SLC8A1: variants seen among roughly 807,000 people sequenced by gnomAD.
SLC8A1 encodes solute carrier family 8 member A1.
Under a neutral mutation model 68.3 loss-of-function variants are expected in SLC8A1, and 18 were observed. The ratio of observed to expected loss-of-function variants is 0.26; its 90% CI spans 0.18 to 0.39. The LOEUF (loss-of-function observed/expected upper bound fraction) is 0.39, where lower values mean the gene tolerates loss of function less well. Among genes scored for constraint, SLC8A1 ranks in the 10% least tolerant of loss-of-function variants. The pLI, the probability that SLC8A1 is intolerant of heterozygous loss-of-function variation, is 1.00. For synonymous variants in SLC8A1, 475 were observed against 415.5 expected (o/e 1.14, Z -1.74); for missense variants, 985 against 1,156.7 (o/e 0.85, Z 2.15).
At chr2:40,255,060 A>AATGACAGACCTTTTCTT (rs2063672465) in intron 2 of SLC8A1, 1 of 151,716 alleles carries the variant, frequency 6.6e-6, no homozygotes, top group Non-Finnish European at 1.5e-5. Context: ...TTTCTCCTTA[A>AATGACAGACCTTTTCTT]ATGACAGACC....
chr2:40,345,265 T>A (rs945578620), intron 2 of SLC8A1, among the ~76,000 whole-genome samples: 1 of 152,116 alleles, frequency 6.6e-6, no homozygotes, highest in African/African-American at 2.4e-5. Flanking sequence ...CTCACTACAC[T>A]CCTACCTCAT....
intron 1 of SLC8A1, among the ~76,000 whole-genome samples, chr2:40,473,740 G>T (rs574686688): frequency 2.0e-5 from 3 of 152,222 alleles, no homozygotes; most frequent in African/African-American, 7.2e-5. Flanking sequence ...GAATTAAATG[G>T]ACTTATATTT....
intron 2 of SLC8A1, among the ~76,000 whole-genome samples, chr2:40,280,725 A>G (rs1236755455): frequency 1.3e-5 from 2 of 152,224 alleles, no homozygotes; most frequent in Non-Finnish European, 2.9e-5. Context: ...AAGTAAAAAG[A>G]GACAATGAAT....
chr2:40,450,204 C>T (rs1207067190), intron 1 of SLC8A1, among the ~76,000 whole-genome samples: 1 of 152,172 alleles, frequency 6.6e-6, no homozygotes, highest in Non-Finnish European at 1.5e-5. Flanking sequence ...CCAAGTAACA[C>T]AGGATTTGAA....
At position 40,122,206 on chromosome 2, in the gene SLC8A1, GCACACACACACACACACA is replaced by G. The variant is rs1236450975; in HGVS notation, c.2438-6595_2438-6578del. Among the ~76,000 whole-genome samples, 14 of 124,562 alleles carry G rather than the reference GCACACACACACACACACA, an allele frequency of 1.1e-4. No individual in the cohort carries two copies. In the South Asian group the frequency reaches 1.3e-3, roughly 11 times the overall value. The allele number at this position is 124,562 out of a possible 152,430, so 81.7% of individuals were successfully genotyped here. On this transcript the variant is annotated intron_variant, in intron 7 of 7. Transcript: ENST00000406785. ...CTCTCTCACAAGTGCATGCGCGCGC[GCACACACACACACACACA>G]CGTGTGCGCGCGCACACACACACAC...
At chr2:40,423,000 C>T (rs1483201592) in intron 2 of SLC8A1, among the ~76,000 whole-genome samples, 3 of 152,162 alleles carry the variant, frequency 2.0e-5, no homozygotes, top group Admixed American at 6.5e-5. Flanking sequence ...GAAAACAATA[C>T]GATAATACCA....
Position 40,385,601 on chromosome 2 carries a change from A to G in SLC8A1, c.1808+42872T>C, listed in dbSNP as rs563227273. Among the ~76,000 whole-genome samples the G allele has an allele frequency of 2.6e-5, 4 of 151,442 alleles. No individual in the cohort carries two copies. The South Asian group carries it at 8.3e-4, about 31-fold the overall frequency. On this transcript the variant is annotated intron_variant, in intron 2 of 7. Transcript: ENST00000406785. ...AAAAATGTACCATGAGGAGCAACAT[A>G]AAACAAAGTTTAAACTTTGGCAGGC...
intron 7 of SLC8A1, among the ~76,000 whole-genome samples, chr2:40,121,389 G>A (rs1022179915): frequency 3.9e-5 from 6 of 152,186 alleles, no homozygotes; most frequent in Non-Finnish European, 8.8e-5. Flanking sequence ...TCGGAAAGAA[G>A]TAAGAAGCTG....
chr2:40,295,654 G>C (rs983325457), intron 2 of SLC8A1, among the ~76,000 whole-genome samples: 4 of 152,112 alleles, frequency 2.6e-5, no homozygotes, highest in Non-Finnish European at 5.9e-5. Context: ...ATGAAATGAG[G>C]CACAAGAAAC....
In SLC8A1 at chr2:40,200,249, T is replaced by TAAATATATATATATAA. The variant is rs1461541616; in HGVS notation, c.1809-22395_1809-22394insTTATATATATATATTT. On this transcript the variant is annotated intron_variant, in intron 2 of 7. Transcript: ENST00000406785. Reference sequence around the variant, plus strand: ...TTATATATATATATAAATATATATATATATATATATATATATATAACCTCT... The same window carrying TAAATATATATATATAA: ...TTATATATATATATAAATATATATATAAATATATATATATAAATATATATATATATATATAACCTCT... Among the ~76,000 whole-genome samples the TAAATATATATATATAA allele has an allele frequency of 2.2e-4, 6 of 26,992 alleles. 2 individuals carry two copies. Among genetic ancestry groups the TAAATATATATATATAA allele is most frequent in the Non-Finnish European group, 6.2e-4 (6 of 9,652 alleles). 17.7% of individuals were successfully genotyped at this position (26,992 alleles called of 152,430 possible).
At chr2:40,164,767 G>T in intron 5 of SLC8A1, 87 bp downstream of exon 8, 1 of 1,522,094 alleles carries the variant, frequency 6.6e-7, no homozygotes, top group South Asian at 1.2e-5. Context: ...ACTCTTTCCA[G>T]GTGGATCTTA....
At chr2:40,235,513 G>A (rs1469309322) in intron 2 of SLC8A1, among the ~76,000 whole-genome samples, 1 of 151,990 alleles carries the variant, frequency 6.6e-6, no homozygotes, top group Non-Finnish European at 1.5e-5. Context: ...AGTCTTGCTA[G>A]TGGTCTATCA....
chr2:40,168,589 A>G (rs1573480904), intron 4 of SLC8A1, among the ~76,000 whole-genome samples: 1 of 152,300 alleles, frequency 6.6e-6, no homozygotes, highest in Middle Eastern at 3.4e-3. Context: ...TTTTAACAAA[A>G]CTGTTTTCTG....
chr2:40,463,351 C>T (rs1389674470), intron 1 of SLC8A1, among the ~76,000 whole-genome samples: 4 of 152,164 alleles, frequency 2.6e-5, no homozygotes, highest in Non-Finnish European at 5.9e-5. Flanking sequence ...TCAGCGGCGG[C>T]TGCAAGATAA....
upstream of SLC8A1, among the ~76,000 whole-genome samples, chr2:40,452,404 G>A (rs1037300234): frequency 1.3e-5 from 2 of 152,006 alleles, no homozygotes; most frequent in Non-Finnish European, 2.9e-5. Context: ...ATTTCCTGCC[G>A]GCTCTCGGCC....
chr2:40,495,341 G>A (rs752645207), intron 1 of SLC8A1, among the ~76,000 whole-genome samples: 3 of 152,018 alleles, frequency 2.0e-5, no homozygotes, highest in Non-Finnish European at 4.4e-5. Context: ...CTCTATGCCT[G>A]AAAGCAAAAG....
chr2:40,307,946 G>A (rs1300969742), intron 2 of SLC8A1, among the ~76,000 whole-genome samples: 1 of 152,054 alleles, frequency 6.6e-6, no homozygotes, highest in Non-Finnish European at 1.5e-5. Context: ...ATCATGAAGA[G>A]CAGGAGAAGA....
intron 7 of SLC8A1, among the ~76,000 whole-genome samples, chr2:40,128,645 A>G (rs1336490264): frequency 6.6e-6 from 1 of 152,196 alleles, no homozygotes; most frequent in East Asian, 1.9e-4. Flanking sequence ...TCTAAGCGCC[A>G]TTGTGTGATC....
intron 1 of SLC8A1, among the ~76,000 whole-genome samples, chr2:40,501,947 A>G (rs563781692): frequency 6.6e-6 from 1 of 152,004 alleles, no homozygotes; most frequent in African/African-American, 2.4e-5. Flanking sequence ...TGCACCCTCA[A>G]TCAAGATCTT....
Sources: allele counts gnomAD v4.1 joint callset (sites outside exome capture counted in the v4.1 genomes callset), GRCh38; gene constraint gnomAD v4.1.1; transcripts MANE v1.5; gene names NCBI Gene and HGNC (gene_info 2026-07-23, HGNC 2026-07-21).